PEX3: variants seen among roughly 807,000 people sequenced by gnomAD.
PEX3 encodes the protein peroxin-3.
PEX3 carries 30 observed loss-of-function variants against 55.8 expected under a neutral mutation model. The observed-to-expected ratio is 0.54, with a 90% CI of 0.40 to 0.73. The LOEUF is 0.73. Among genes scored for constraint, PEX3 ranks in the 30% least tolerant of loss-of-function variants. PEX3 has a pLI of 0.00. For missense variants in PEX3, 351 were observed against 432.8 expected, an observed-to-expected ratio of 0.81 and a Z score of 1.68; for synonymous variants, 135 against 148.4, an observed-to-expected ratio of 0.91 and a Z score of 0.66.
In PEX3 at chr6:143,451,159, T is replaced by G. The variant is rs1779755676; in HGVS notation, c.73+44T>G. ...GAAAGGGGGCATTGGGAGAAGGGGGTGGGAGAGGTGACTTCTTCTAAAATA... is the reference window on the plus strand; with the variant it reads ...GAAAGGGGGCATTGGGAGAAGGGGGGGGGAGAGGTGACTTCTTCTAAAATA... On this transcript the variant is annotated intron_variant, in intron 1 of 11. Transcript: ENST00000367591. The surrounding 1 kb of genome is among the most constrained non-coding windows in gnomAD (Gnocchi z 4.1). The G allele has an allele frequency of 1.7e-5, 22 of 1,265,712 alleles. No individual in the cohort carries two copies. Among genetic ancestry groups the G allele is most frequent in the Non-Finnish European group, 2.2e-5 (19 of 862,480 alleles). The allele number at this position is 1,265,712 out of a possible 1,614,324, so 78.4% of individuals were successfully genotyped here.
chr6:143,485,206 G>T lies in PEX3; in HGVS notation c.996G>T (p.Gln332His). The change falls in exon 11 of 12, where the codon CAG becomes CAT. Residue 332 changes from glutamine to histidine, a missense_variant. Gln to His is a conservative substitution (Grantham distance 24). Transcript: ENST00000367591. The surrounding 1 kb of genome is among the most constrained non-coding windows in gnomAD (Gnocchi z 5.6). ...LAKIIPIVNG[Q>H]IHSVCSETPS... ...AGATAATTCCAATAGTAAACGGACA[G>T]ATCCATTCAGTTTGCAGTGAAACAC... 1 of 1,608,532 alleles carries T rather than the reference G, an allele frequency of 6.2e-7. No individual in the cohort carries two copies. Among genetic ancestry groups the T allele is most frequent in the Non-Finnish European group, 8.5e-7 (1 of 1,175,206 alleles).
chr6:143,488,381 T>C lies in PEX3; in HGVS notation c.1039-762T>C, dbSNP rs1349182126. On this transcript the variant is annotated intron_variant, in intron 11 of 11. Transcript: ENST00000367591. This position sits in a 1 kb window ranked among gnomAD's most constrained non-coding sequence, Gnocchi z 4.9. ...TATTATAAAGGAAACCAATCATATA[T>C]AGTTTTCAAAATTTCTTTTAAAATT... 6.6e-6 allele frequency among the ~76,000 whole-genome samples: 1 copy of C among 152,142 alleles called. No homozygotes were observed. The highest frequency in any genetic ancestry group is 1.5e-5 in the Non-Finnish European group (1 of 68,000).
chr6:143,474,994 TAGATA>T lies in PEX3; in HGVS notation c.818+143_818+147del, dbSNP rs1173771698. On this transcript the variant is annotated intron_variant, in intron 9 of 11. Coordinates refer to ENST00000367591, the MANE Select transcript of PEX3 (RefSeq NM_003630.3). ...ATTTTTGACTCTGTTCCCCAGCCTT[TAGATA>T]AGATTTCCTACTCAAACTGGAGGGA... The T allele has an allele frequency of 2.4e-5, 13 of 541,746 alleles. No homozygotes were observed. The Admixed American group carries it at 4.0e-4, about 17-fold the overall frequency. 33.6% of individuals were successfully genotyped at this position (541,746 alleles called of 1,614,324 possible).
rs1034702146 is a variant in PEX3 at position 143,459,849 on chromosome 6, A to C, written c.205+633A>C. 9.9e-5 allele frequency among the ~76,000 whole-genome samples: 15 copies of C among 152,208 alleles called. No individual in the cohort carries two copies. The highest frequency in any genetic ancestry group is 3.6e-4 in the African/African-American group (15 of 41,448). On this transcript the variant is annotated intron_variant, in intron 2 of 11. Coordinates refer to ENST00000367591, the MANE Select transcript of PEX3 (RefSeq NM_003630.3). This position sits in a 1 kb window ranked among gnomAD's most constrained non-coding sequence, Gnocchi z 4.2. ...TAAGTTTATTAAATTTACAGTAGGCAACTATAGACCTGTGAGTCGTCCACA... is the reference window on the plus strand; with the variant it reads ...TAAGTTTATTAAATTTACAGTAGGCCACTATAGACCTGTGAGTCGTCCACA...
At chr6:143,460,451 C>T (rs1484087113) in intron 2 of PEX3, among the ~76,000 whole-genome samples, 3 of 152,142 alleles carry the variant, frequency 2.0e-5, no homozygotes, top group African/African-American at 7.2e-5. Flanking sequence ...ATGATAAATA[C>T]TTGGTAAATG....
At chr6:143,472,616 A>T (rs1042887401) in intron 8 of PEX3, among the ~76,000 whole-genome samples, 1 of 152,188 alleles carries the variant, frequency 6.6e-6, no homozygotes, top group Non-Finnish European at 1.5e-5. Flanking sequence ...TGTTCATTAC[A>T]CCTGGGGAAC....
rs1250814536 is a variant in PEX3 at position 143,475,544 on chromosome 6, T to A, written c.818+688T>A. Among the ~76,000 whole-genome samples the A allele has an allele frequency of 6.6e-6, 1 of 152,162 alleles. No homozygotes were observed. The highest frequency in any genetic ancestry group is 2.4e-5 in the African/African-American group (1 of 41,434). On this transcript the variant is annotated intron_variant, in intron 9 of 11. Transcript: ENST00000367591. This position sits in a 1 kb window ranked among gnomAD's most constrained non-coding sequence, Gnocchi z 4.4. ...GGTGCACACCTGTGGTCCCAGTTAC[T>A]TGGGAGGCTGAGGTGGAAGGATCAC...
chr6:143,487,190 A>G lies in PEX3; in HGVS notation c.1038+1942A>G, dbSNP rs1780333128. Among the ~76,000 whole-genome samples, 1 of 152,218 alleles carries G rather than the reference A, an allele frequency of 6.6e-6. No individual in the cohort carries two copies. The highest frequency in any genetic ancestry group is 1.5e-5 in the Non-Finnish European group (1 of 68,022). ...GGAAAGAGCTTTTATAGTGTGAACCAACCCTATGATACATAATTTTTATCT... is the reference window on the plus strand; with the variant it reads ...GGAAAGAGCTTTTATAGTGTGAACCGACCCTATGATACATAATTTTTATCT... On this transcript the variant is annotated intron_variant, in intron 11 of 11. Transcript: ENST00000367591. This position sits in a 1 kb window ranked among gnomAD's most constrained non-coding sequence, Gnocchi z 5.3.
At position 143,451,939 on chromosome 6, in the gene PEX3, T is replaced by C. The variant is rs1046114412; in HGVS notation, c.73+824T>C. Among the ~76,000 whole-genome samples, 1 of 152,250 alleles carries C rather than the reference T, an allele frequency of 6.6e-6. No individual in the cohort carries two copies. Among genetic ancestry groups the C allele is most frequent in the African/African-American group, 2.4e-5 (1 of 41,478 alleles). Reference sequence around the variant, plus strand: ...TCTAGGAACTATAAAAGAGGAAATTTGTTAGAACTTGAGTTTTTGAGAAAT... The same window carrying C: ...TCTAGGAACTATAAAAGAGGAAATTCGTTAGAACTTGAGTTTTTGAGAAAT... On this transcript the variant is annotated intron_variant, in intron 1 of 11. Coordinates refer to ENST00000367591, the MANE Select transcript of PEX3 (RefSeq NM_003630.3). This position sits in a 1 kb window ranked among gnomAD's most constrained non-coding sequence, Gnocchi z 4.1.
chr6:143,463,059 G>A lies in PEX3; in HGVS notation c.287+62G>A. 2.5e-6 allele frequency: 3 copies of A among 1,196,630 alleles called. No homozygotes were observed. The highest frequency in any genetic ancestry group is 3.7e-6 in the Non-Finnish European group (3 of 806,632). The allele number at this position is 1,196,630 out of a possible 1,614,324, so 74.1% of individuals were successfully genotyped here. ...ACACTTAAAGTTTATAGAATGAACT[G>A]ATAGACTTTTCAAAAATCTTTGTTA... is the stretch of plus-strand genomic sequence containing the variant. On this transcript the variant is annotated intron_variant, in intron 3 of 11. Transcript: ENST00000367591. The surrounding 1 kb of genome is among the most constrained non-coding windows in gnomAD (Gnocchi z 5.7).
chr6:143,465,279 G>GT lies in PEX3; in HGVS notation c.287+2288dup, dbSNP rs1326106198. 2.6e-5 allele frequency among the ~76,000 whole-genome samples: 4 copies of GT among 151,672 alleles called. No homozygotes were observed. Among genetic ancestry groups the GT allele is most frequent in the Non-Finnish European group, 4.4e-5 (3 of 67,798 alleles). ...TGGAATCTTTTATGTAGATTTTGGA[G>GT]TTTTTTAAAAAAAAATAGCATCAGT... is the stretch of plus-strand genomic sequence containing the variant. On this transcript the variant is annotated intron_variant, in intron 3 of 11. Coordinates refer to ENST00000367591, the MANE Select transcript of PEX3 (RefSeq NM_003630.3). This position sits in a 1 kb window ranked among gnomAD's most constrained non-coding sequence, Gnocchi z 4.7.
chr6:143,477,462 T>C (rs1011750106), intron 9 of PEX3, among the ~76,000 whole-genome samples: 1 of 152,084 alleles, frequency 6.6e-6, no homozygotes. Flanking sequence ...ACAAAGTACT[T>C]TGAATAGGAG....
chr6:143,460,193 A>G (rs980305333), intron 2 of PEX3, among the ~76,000 whole-genome samples: 5 of 152,218 alleles, frequency 3.3e-5, no homozygotes, highest in Non-Finnish European at 7.3e-5. Context: ...TTATTAGTTT[A>G]CTTACCTCAT....
Position 143,465,396 on chromosome 6 carries a change from C to G in PEX3, c.287+2399C>G, listed in dbSNP as rs1053616751. On this transcript the variant is annotated intron_variant, in intron 3 of 11. Transcript: ENST00000367591. This position sits in a 1 kb window ranked among gnomAD's most constrained non-coding sequence, Gnocchi z 4.7. ...TATTACTGTCTTCTCCCACCAAAAT[C>G]ATCCCAAATAAAATACAGTTTTTTG... Among the ~76,000 whole-genome samples, 1 of 151,888 alleles carries G rather than the reference C, an allele frequency of 6.6e-6. No individual in the cohort carries two copies. The highest frequency in any genetic ancestry group is 2.4e-5 in the African/African-American group (1 of 41,402).
At position 143,485,643 on chromosome 6, in the gene PEX3, A is replaced by G. The variant is rs1272794659; in HGVS notation, c.1038+395A>G. ...AATTTGTGGAGAAGTAAAGCATTTT[A>G]GTGATTAATAAAATGTAACAGTTAA... On this transcript the variant is annotated intron_variant, in intron 11 of 11. Transcript: ENST00000367591. The surrounding 1 kb of genome is among the most constrained non-coding windows in gnomAD (Gnocchi z 5.6). 6.6e-6 allele frequency among the ~76,000 whole-genome samples: 1 copy of G among 152,128 alleles called. No homozygotes were observed. The highest frequency in any genetic ancestry group is 2.4e-5 in the African/African-American group (1 of 41,448).
Position 143,488,954 on chromosome 6 carries a change from C to T in PEX3, c.1039-189C>T, listed in dbSNP as rs1780352481. On this transcript the variant is annotated intron_variant, in intron 11 of 11. Coordinates refer to ENST00000367591, the MANE Select transcript of PEX3 (RefSeq NM_003630.3). This position sits in a 1 kb window ranked among gnomAD's most constrained non-coding sequence, Gnocchi z 4.9. ...GAACGCTTATGATACCATCATCCCT[C>T]ATATAAGAACCTAAATAATAACTAT... Among the ~76,000 whole-genome samples the T allele has an allele frequency of 6.6e-6, 1 of 152,106 alleles. No individual in the cohort carries two copies. The highest frequency in any genetic ancestry group is 1.5e-5 in the Non-Finnish European group (1 of 67,970).
chr6:143,458,097 T>C lies in PEX3; in HGVS notation c.74-988T>C, dbSNP rs1209876352. On this transcript the variant is annotated intron_variant, in intron 1 of 11. Coordinates refer to ENST00000367591, the MANE Select transcript of PEX3 (RefSeq NM_003630.3). The surrounding 1 kb of genome is among the most constrained non-coding windows in gnomAD (Gnocchi z 6.1). ...TCAAAAATATTTGGTGCTAAATCAG[T>C]GATAAAAGCTAGTTGAAGAGCTTAA... Among the ~76,000 whole-genome samples the C allele has an allele frequency of 2.0e-5, 3 of 152,210 alleles. No homozygotes were observed. In the South Asian group the frequency reaches 6.2e-4, roughly 32 times the overall value.
Position 143,475,054 on chromosome 6 carries a change from C to CTATCTTAGGG in PEX3, c.818+200_818+201insTCTTAGGGTA. ...GGGATTTCTTAGGGTAACTCAGCTA[C>CTATCTTAGGG]TAACTCTACTATCTGAATTCATCGA... is the stretch of plus-strand genomic sequence containing the variant. On this transcript the variant is annotated intron_variant, in intron 9 of 11. Coordinates refer to ENST00000367591, the MANE Select transcript of PEX3 (RefSeq NM_003630.3). The surrounding 1 kb of genome is among the most constrained non-coding windows in gnomAD (Gnocchi z 4.4). Among the ~76,000 whole-genome samples, 1 of 152,316 alleles carries CTATCTTAGGG rather than the reference C, an allele frequency of 6.6e-6. No homozygotes were observed. The highest frequency in any genetic ancestry group is 2.4e-5 in the African/African-American group (1 of 41,570).
In PEX3 at chr6:143,464,568, C is replaced by T. The variant is rs1219006607; in HGVS notation, c.287+1571C>T. Among the ~76,000 whole-genome samples the T allele has an allele frequency of 1.3e-5, 2 of 151,686 alleles. No homozygotes were observed. Among genetic ancestry groups the T allele is most frequent in the East Asian group, 1.9e-4 (1 of 5,190 alleles). ...AAGATGTGATTCTTTTTTTCTTAAT[C>T]GGTACACAGGGAGGAGAATTTCTTA... On this transcript the variant is annotated intron_variant, in intron 3 of 11. Coordinates refer to ENST00000367591, the MANE Select transcript of PEX3 (RefSeq NM_003630.3). This position sits in a 1 kb window ranked among gnomAD's most constrained non-coding sequence, Gnocchi z 5.8.
Sources: allele counts gnomAD v4.1 joint callset (sites outside exome capture counted in the v4.1 genomes callset), GRCh38; gene constraint gnomAD v4.1.1; non-coding constraint Gnocchi (gnomAD v3.1); transcripts MANE v1.5; gene names NCBI Gene and HGNC (gene_info 2026-07-23, HGNC 2026-07-21).